The following VPS13B variants were observed in gnomAD, a reference collection of about 807,000 sequenced individuals.
The protein encoded by VPS13B is intermembrane lipid transfer protein VPS13B.
A neutral mutation model predicts 426.4 loss-of-function variants in VPS13B; 285 were observed. The ratio of observed to expected loss-of-function variants is 0.67; its 90% CI spans 0.61 to 0.74. VPS13B has a LOEUF of 0.74. VPS13B is among the 30% of genes least tolerant of loss of function. The pLI, the probability that VPS13B is intolerant of heterozygous loss-of-function variation, is 0.00. For missense variants in VPS13B, 4,537 were observed against 4,782.6 expected (o/e 0.95, Z 1.51); for synonymous variants, 1,676 against 1,676.4 (o/e 1.00, Z 0.01).
intron 5 of VPS13B, among the ~76,000 whole-genome samples, chr8:99,103,833 G>T (rs1398346763): frequency 2.0e-5 from 3 of 151,958 alleles, no homozygotes; most frequent in African/African-American, 4.8e-5. Flanking sequence ...ACAAGGTTTT[G>T]CCACATTGCC....
At chr8:99,082,549 C>T (rs1350862396) in intron 3 of VPS13B, among the ~76,000 whole-genome samples, 2 of 152,138 alleles carry the variant, frequency 1.3e-5, no homozygotes, top group Non-Finnish European at 2.9e-5. Flanking sequence ...TGCCTGTGTC[C>T]TGAATGGTAT....
intron 31 of VPS13B, among the ~76,000 whole-genome samples, chr8:99,573,291 C>T (rs760811884): frequency 1.8e-4 from 27 of 152,180 alleles, no homozygotes; most frequent in Non-Finnish European, 3.4e-4. Flanking sequence ...AGTGCAGAAG[C>T]TCTTTAGTTT....
At chr8:99,509,761 G>C (rs1821690176) in intron 28 of VPS13B, among the ~76,000 whole-genome samples, 1 of 152,086 alleles carries the variant, frequency 6.6e-6, no homozygotes. Context: ...AGAGGGGCAG[G>C]GAATGTGGAA....
At chr8:99,655,872 G>C (rs533697408) in intron 34 of VPS13B, among the ~76,000 whole-genome samples, 44 of 152,290 alleles carry the variant, frequency 2.9e-4, no homozygotes, top group Non-Finnish European at 5.9e-4. Flanking sequence ...TGTTTGCTAA[G>C]GGTTAAAAGA....
At chr8:99,205,090 A>G (rs1814613494) in intron 17 of VPS13B, among the ~76,000 whole-genome samples, 1 of 152,224 alleles carries the variant, frequency 6.6e-6, no homozygotes, top group Admixed American at 6.5e-5. Context: ...AATAGCAAAG[A>G]CTTGGAACCA....
chr8:99,079,817 C>T (rs7012147), intron 3 of VPS13B, among the ~76,000 whole-genome samples: 111,428 of 151,420 alleles, frequency 0.74, 41,700 homozygotes, highest in South Asian at 0.87. Flanking sequence ...AGTGGTTTTC[C>T]GGGAGGCTGA....
At chr8:99,864,357 T>C (rs926653409) in intron 58 of VPS13B, among the ~76,000 whole-genome samples, 1 of 152,112 alleles carries the variant, frequency 6.6e-6, no homozygotes, top group African/African-American at 2.4e-5. Flanking sequence ...GAGATCAGCT[T>C]GGGCAATGTG....
At chr8:99,861,680 A>G in intron 57 of VPS13B, 96 bp from the exon 58 acceptor site, 1 of 1,484,472 alleles carries the variant, frequency 6.7e-7, no homozygotes, top group Non-Finnish European at 9.2e-7. Context: ...CATGTCCAGG[A>G]GGGGCCACAG....
chr8:99,153,528 C>A (rs1363483983), intron 14 of VPS13B, among the ~76,000 whole-genome samples: 1 of 152,028 alleles, frequency 6.6e-6, no homozygotes, highest in Non-Finnish European at 1.5e-5. Flanking sequence ...TAATTCAAGT[C>A]CACTTTCAAA....
chr8:99,500,756 G>A lies in VPS13B; in HGVS notation c.3871-931G>A, dbSNP rs77196097. Among the ~76,000 whole-genome samples the A allele has an allele frequency of 2.7e-3, 409 of 152,190 alleles. 13 individuals carry two copies. In the East Asian group the frequency reaches 0.041, roughly 15 times the overall value. Reference sequence around the variant, plus strand: ...AGGTTTAAACGGACAGCAAAGTTTGGGATTTTAGGAACCCAATACTTCATA... The same window carrying A: ...AGGTTTAAACGGACAGCAAAGTTTGAGATTTTAGGAACCCAATACTTCATA... On this transcript the variant is annotated intron_variant, in intron 25 of 61. Transcript: ENST00000357162.
At chr8:99,168,547 A>C (rs1236992591) in intron 15 of VPS13B, among the ~76,000 whole-genome samples, 3 of 152,098 alleles carry the variant, frequency 2.0e-5, no homozygotes, top group Non-Finnish European at 4.4e-5. Context: ...TATAATAATA[A>C]CTGTAAATTC....
chr8:99,590,437 A>G (rs962738111), intron 33 of VPS13B, among the ~76,000 whole-genome samples: 2 of 152,092 alleles, frequency 1.3e-5, no homozygotes, highest in African/African-American at 2.4e-5. Flanking sequence ...TAGGGTGTCA[A>G]TTTTAGATCT....
At position 99,227,171 on chromosome 8, in the gene VPS13B, C is replaced by T. The variant is rs988161851; in HGVS notation, c.2515+34114C>T. ...ATCATTAAGAAAAACCTAATCTTGA[C>T]CTAATATTAATTTTTGTATTCTATA... On this transcript the variant is annotated intron_variant, in intron 17 of 61. Coordinates refer to ENST00000357162, the MANE Select transcript of VPS13B (RefSeq NM_152564.5). Among the ~76,000 whole-genome samples the T allele has an allele frequency of 4.6e-5, 7 of 152,038 alleles. 1 individual carries two copies. Among genetic ancestry groups the T allele is most frequent in the Admixed American group, 4.6e-4 (7 of 15,258 alleles).
At chr8:99,739,976 G>A (rs1809609964) in intron 39 of VPS13B, among the ~76,000 whole-genome samples, 1 of 152,182 alleles carries the variant, frequency 6.6e-6, no homozygotes, top group South Asian at 2.1e-4. Flanking sequence ...GATGGAGAAT[G>A]AGTTTGACGA....
intron 39 of VPS13B, among the ~76,000 whole-genome samples, chr8:99,732,271 G>T (rs1833637209): frequency 6.6e-6 from 1 of 152,188 alleles, no homozygotes; most frequent in Admixed American, 6.5e-5. Flanking sequence ...ACGAAGTCAT[G>T]AGGACCCATC....
In VPS13B at chr8:99,832,265, A is replaced by AT. The variant is rs1287019281; in HGVS notation, c.9331-104_9331-103insT. 2.0e-5 allele frequency: 28 copies of AT among 1,415,404 alleles called. No individual in the cohort carries two copies. The East Asian group carries it at 3.9e-4, about 20-fold the overall frequency. The allele number at this position is 1,415,404 out of a possible 1,614,324, so 87.7% of individuals were successfully genotyped here. A position where few individuals can be genotyped will look rare whatever the true frequency, so the allele number is the denominator to read the frequency against. On this transcript the variant is annotated intron_variant, in intron 51 of 61. Transcript: ENST00000357162. ...TGATGGAGTGAGACTGTCTCAAAAA[A>AT]AAAAAAGAAAAGAAAAGAAGATATG...
intron 21 of VPS13B, among the ~76,000 whole-genome samples, chr8:99,430,707 C>T (rs576687237): frequency 7.3e-5 from 11 of 151,368 alleles, no homozygotes; most frequent in African/African-American, 2.4e-4. Context: ...AATCCACCCC[C>T]CCCCCAACTT....
intron 19 of VPS13B, among the ~76,000 whole-genome samples, chr8:99,285,638 A>G (rs1819393756): frequency 1.3e-5 from 2 of 152,142 alleles, no homozygotes; most frequent in African/African-American, 4.8e-5. Context: ...TATTTTTGCA[A>G]CTCATAGCTT....
At chr8:99,688,133 CT>C (rs1307921649) in intron 35 of VPS13B, among the ~76,000 whole-genome samples, 5,581 of 113,058 alleles carry the variant, frequency 0.049, 207 homozygotes, top group African/African-American at 0.13. Flanking sequence ...TCCTTGCTTG[CT>C]TTTTTTTTTT....
Sources: gnomAD v4.1 joint callset for allele counts (sites outside exome capture counted in the v4.1 genomes callset) on GRCh38, gnomAD v4.1.1 for gene constraint, MANE v1.5 for transcripts, NCBI Gene and HGNC (gene_info 2026-07-23, HGNC 2026-07-21) for gene names.